Variants in CHST15 observed in about 807,000 individuals in gnomAD.
CHST15 encodes carbohydrate sulfotransferase 15, also known as B cell RAG associated protein (GALNAC4S-6ST).
Under a neutral mutation model 53.6 loss-of-function variants are expected in CHST15, and 30 were observed. The ratio of observed to expected loss-of-function variants is 0.56; its 90% CI spans 0.42 to 0.76. The LOEUF (loss-of-function observed/expected upper bound fraction) is 0.76. Ranked by LOEUF, CHST15 falls within the 30% of genes least tolerant of loss-of-function variation. The pLI is 0.00. For missense variants in CHST15, 627 were observed against 740.5 expected, an observed-to-expected ratio of 0.85 and a Z score of 1.78; for synonymous variants, 296 against 289.8, an observed-to-expected ratio of 1.02 and a Z score of -0.22.
chr10:124,076,716 T>A (rs1324142945), intron 1 of CHST15, among the ~76,000 whole-genome samples: 2 of 151,742 alleles, frequency 1.3e-5, no homozygotes, highest in African/African-American at 4.8e-5. Flanking sequence ...CTTAATTTTT[T>A]TTTTTTTTTT....
In CHST15 at chr10:124,008,360, C is replaced by T. The variant is rs1946325075; in HGVS notation, c.*1789G>A. Reference sequence around the variant, plus strand: ...ACGTGCGCGTACACACACACACACGCGCGCACTGTACTGCAAATAAATATA... The same window carrying T: ...ACGTGCGCGTACACACACACACACGTGCGCACTGTACTGCAAATAAATATA... On this transcript the variant is annotated 3_prime_UTR_variant, in exon 8 of 8. Transcript: ENST00000435907. 7.7e-6 allele frequency: 8 copies of T among 1,036,864 alleles called. No individual in the cohort carries two copies. The highest frequency in any genetic ancestry group is 9.3e-6 in the Non-Finnish European group (8 of 864,524). 64.2% of individuals were successfully genotyped at this position (1,036,864 alleles called of 1,614,324 possible). A position where few individuals can be genotyped will look rare whatever the true frequency, so the allele number is the denominator to read the frequency against.
chr10:124,044,492 C>T (rs1343616825), intron 3 of CHST15, 88 bp downstream of exon 3: 7 of 1,122,584 alleles, frequency 6.2e-6, no homozygotes, highest in Non-Finnish European at 8.4e-6. Flanking sequence ...CTGCCGCCCT[C>T]GCCCCCCAAC....
intron 5 of CHST15, among the ~76,000 whole-genome samples, chr10:124,028,377 T>G (rs1488650921): frequency 6.6e-6 from 1 of 152,236 alleles, no homozygotes; most frequent in Non-Finnish European, 1.5e-5. Context: ...AGGACCTGGC[T>G]CCAAGGCCAC....
chr10:124,034,998 CT>C (rs1947401071), intron 5 of CHST15, among the ~76,000 whole-genome samples: 1 of 134,748 alleles, frequency 7.4e-6, no homozygotes, highest in African/African-American at 3.1e-5. Context: ...GCTCTACCCC[CT>C]AATAGGGACC....
At chr10:124,062,357 G>T (rs1026782980) in intron 1 of CHST15, among the ~76,000 whole-genome samples, 3 of 152,176 alleles carry the variant, frequency 2.0e-5, no homozygotes, top group South Asian at 2.1e-4. Flanking sequence ...AAACATGGCG[G>T]GGAGGAAAGA....
Position 124,025,483 on chromosome 10 carries a change from G to A in CHST15, c.1191-4071C>T, listed in dbSNP as rs948687700. 3.3e-5 allele frequency among the ~76,000 whole-genome samples: 5 copies of A among 152,110 alleles called. No homozygotes were observed. In the East Asian group the frequency reaches 5.8e-4, roughly 18 times the overall value. On this transcript the variant is annotated intron_variant, in intron 5 of 7. Transcript: ENST00000435907. ...TGGCAGTGGGCTTTGGGAGCCCCTC[G>A]AACCCCACTGCGAGAAACTATGCTG... is the stretch of plus-strand genomic sequence containing the variant.
At chr10:124,030,723 T>A (rs1231300902) in intron 5 of CHST15, among the ~76,000 whole-genome samples, 3 of 152,240 alleles carry the variant, frequency 2.0e-5, no homozygotes, top group Non-Finnish European at 4.4e-5. Context: ...TCTCTTCTGA[T>A]TGAGAACACA....
chr10:124,071,485 C>A (rs1317403693), intron 1 of CHST15, among the ~76,000 whole-genome samples: 5 of 152,206 alleles, frequency 3.3e-5, no homozygotes, highest in African/African-American at 1.2e-4. Context: ...CACTGCCCAA[C>A]AAAAACAGAG....
intron 5 of CHST15, among the ~76,000 whole-genome samples, chr10:124,030,299 C>T (rs986366120): frequency 2.6e-5 from 4 of 152,174 alleles, no homozygotes; most frequent in Non-Finnish European, 5.9e-5. Flanking sequence ...ATTAAAGTGA[C>T]CTCGTGCCGC....
chr10:124,060,315 C>G (rs1948520092), intron 1 of CHST15, among the ~76,000 whole-genome samples: 1 of 150,228 alleles, frequency 6.7e-6, no homozygotes, highest in African/African-American at 2.5e-5. Flanking sequence ...GTCTGCCCCC[C>G]CAGAAACGTG....
chr10:124,059,862 T>C (rs563611628), intron 1 of CHST15, among the ~76,000 whole-genome samples: 12 of 152,290 alleles, frequency 7.9e-5, no homozygotes, highest in African/African-American at 2.4e-4. Context: ...AAACCCTTCA[T>C]TGGAATTTAT....
intron 1 of CHST15, among the ~76,000 whole-genome samples, chr10:124,050,673 G>A (rs1948158340): frequency 6.6e-6 from 1 of 152,202 alleles, no homozygotes. Flanking sequence ...CAGGGTGACA[G>A]GGAAGACCTG....
At chr10:124,015,677 G>A (rs1318652839) in intron 6 of CHST15, among the ~76,000 whole-genome samples, 1 of 152,242 alleles carries the variant, frequency 6.6e-6, no homozygotes, top group Non-Finnish European at 1.5e-5. Context: ...CTGAGCTCGT[G>A]CCACCATGTG....
chr10:124,022,981 C>G (rs1396677198), intron 5 of CHST15, among the ~76,000 whole-genome samples: 1 of 151,874 alleles, frequency 6.6e-6, no homozygotes, highest in Non-Finnish European at 1.5e-5. Context: ...CCAAACCTGG[C>G]TAATTTTTTT....
Position 124,008,596 on chromosome 10 carries a change from CT to C in CHST15, c.*1552del. The stretch of plus-strand genomic sequence containing the variant: ...ACACCTTCGAACGGGCTGTGTGTCC[CT>C]TCTCTGATGGCAGAAAGACAACACC... On this transcript the variant is annotated 3_prime_UTR_variant, in exon 8 of 8. Transcript: ENST00000435907. 9.7e-7 allele frequency: 1 copy of C among 1,030,876 alleles called. No individual in the cohort carries two copies. The highest frequency in any genetic ancestry group is 1.2e-6 in the Non-Finnish European group (1 of 855,022). 63.9% of individuals were successfully genotyped at this position (1,030,876 alleles called of 1,614,324 possible). A position where few individuals can be genotyped will look rare whatever the true frequency, so the allele number is the denominator to read the frequency against.
intron 1 of CHST15, among the ~76,000 whole-genome samples, chr10:124,073,969 C>T (rs1470088903): frequency 6.6e-6 from 1 of 152,176 alleles, no homozygotes; most frequent in Non-Finnish European, 1.5e-5. Flanking sequence ...AGCCACATCC[C>T]GGGCCTGCTC....
At chr10:124,090,126 T>C (rs1949562325) in intron 1 of CHST15, among the ~76,000 whole-genome samples, 1 of 152,200 alleles carries the variant, frequency 6.6e-6, no homozygotes. Flanking sequence ...AGTGACACCC[T>C]TCCCAATAGA....
intron 5 of CHST15, among the ~76,000 whole-genome samples, chr10:124,022,307 T>C (rs1946817963): frequency 6.6e-6 from 1 of 152,212 alleles, no homozygotes; most frequent in African/African-American, 2.4e-5. Context: ...GAACTCGGAA[T>C]GGGCCAGTTT....
chr10:124,062,063 T>TG (rs1276731999), intron 1 of CHST15, among the ~76,000 whole-genome samples: 1 of 150,328 alleles, frequency 6.7e-6, no homozygotes, highest in Non-Finnish European at 1.5e-5. Context: ...ATGACAGGCC[T>TG]GGGAGTGCAG....
Sources: allele counts gnomAD v4.1 joint callset (sites outside exome capture counted in the v4.1 genomes callset), GRCh38; gene constraint gnomAD v4.1.1; transcripts MANE v1.5; gene names NCBI Gene and HGNC (gene_info 2026-07-23, HGNC 2026-07-21).